The following DMD variants were observed in gnomAD, a reference collection of about 807,000 sequenced individuals.
The protein encoded by DMD is dystrophin, also known as mutant dystrophin.
DMD carries 63 observed loss-of-function variants against 330.1 expected under a neutral mutation model. The observed-to-expected ratio is 0.19, with a 90% CI of 0.16 to 0.24. DMD has a LOEUF of 0.24. Ranked by LOEUF, DMD falls within the 10% of genes least tolerant of loss-of-function variation. The probability of loss-of-function intolerance (pLI) is 1.00; values close to 1 mark genes in which losing one functional copy is unlikely to be tolerated. For missense variants in DMD, 3,344 were observed against 2,684.1 expected (o/e 1.25, Z -5.43); for synonymous variants, 1,223 against 959.8 (o/e 1.27, Z -5.07).
At chrX:32,917,168 C>A (rs745873320) in intron 2 of DMD, among the ~76,000 whole-genome samples, 5 of 100,690 alleles carry the variant, frequency 5.0e-5, no homozygotes, top group South Asian at 5.2e-4. Context: ...TTCCCCCCCC[C>A]CCACATCCCC....
intron 60 of DMD, among the ~76,000 whole-genome samples, chrX:31,349,390 C>T (rs1350712589): frequency 2.7e-5 from 3 of 112,622 alleles, no homozygotes; most frequent in Non-Finnish European, 5.6e-5. Context: ...CACTGTACTC[C>T]AGCCTGGGTG....
intron 62 of DMD, among the ~76,000 whole-genome samples, chrX:31,321,530 G>C (rs1475866882): frequency 1.0e-5 from 1 of 95,293 alleles, no homozygotes; most frequent in Non-Finnish European, 2.0e-5. Flanking sequence ...GTTGCAGTGA[G>C]CCGAGATCGG....
At chrX:32,168,244 G>C (rs2096875185) in intron 44 of DMD, among the ~76,000 whole-genome samples, 1 of 111,387 alleles carries the variant, frequency 9.0e-6, no homozygotes. Context: ...CTGATTCCTA[G>C]GCTCCCAAGC....
intron 37 of DMD, among the ~76,000 whole-genome samples, chrX:32,360,414 C>T (rs1222204543): frequency 9.0e-6 from 1 of 111,712 alleles, no homozygotes; most frequent in Non-Finnish European, 1.9e-5. Context: ...CATTGTTACA[C>T]TCAGTTGCCT....
intron 44 of DMD, chrX:32,035,514 G>A (rs984673495): frequency 6.8e-6 from 2 of 292,138 alleles, no homozygotes; most frequent in South Asian, 3.3e-5. Context: ...TTATCCTACC[G>A]TAACTTACAT....
At position 32,719,969 on chromosome X, in the gene DMD, C is replaced by CATAT. The variant is rs58382484; in HGVS notation, c.650-20680_650-20677dup. ...CCTGACCCATTAGAATTCATTCATT[C>CATAT]ATATATATATATATATATACACACA... On this transcript the variant is annotated intron_variant, in intron 7 of 78. Transcript: ENST00000357033. 1.7e-3 allele frequency among the ~76,000 whole-genome samples: 178 copies of CATAT among 103,356 alleles called. 1 individual carries two copies. The highest frequency in any genetic ancestry group is 2.1e-3 in the East Asian group (7 of 3,256). The allele number at this position is 103,356 out of a possible 115,157, so 89.8% of individuals were successfully genotyped here.
intron 44 of DMD, among the ~76,000 whole-genome samples, chrX:32,203,636 A>G (rs1014170839): frequency 1.8e-5 from 2 of 112,073 alleles, no homozygotes; most frequent in Non-Finnish European, 3.8e-5. Context: ...CTTAGAGACC[A>G]TCAGCCCTTG....
At chrX:31,981,431 A>G (rs2095475369) in intron 44 of DMD, among the ~76,000 whole-genome samples, 1 of 111,783 alleles carries the variant, frequency 8.9e-6, no homozygotes, top group Admixed American at 9.5e-5. Flanking sequence ...CTAATAGAGT[A>G]TGAACATGGG....
chrX:33,079,598 T>A, intron 1 of DMD, among the ~76,000 whole-genome samples: 1 of 111,912 alleles, frequency 8.9e-6, no homozygotes, highest in East Asian at 2.8e-4. Context: ...GTTTCCTGTA[T>A]GATTTTTATG....
intron 55 of DMD, chrX:31,508,160 CT>C: frequency 9.5e-7 from 1 of 1,048,997 alleles, no homozygotes; most frequent in Non-Finnish European, 1.3e-6. Flanking sequence ...TTCAACTTCA[CT>C]TGTATACACA....
intron 21 of DMD, among the ~76,000 whole-genome samples, chrX:32,477,452 T>A (rs1442162299): frequency 9.0e-6 from 1 of 110,663 alleles, no homozygotes; most frequent in Non-Finnish European, 1.9e-5. Context: ...TGCTTGTCTT[T>A]AACTCTTAAA....
At chrX:32,937,451 A>G (rs1455367792) in intron 2 of DMD, among the ~76,000 whole-genome samples, 4 of 107,066 alleles carry the variant, frequency 3.7e-5, no homozygotes, top group Non-Finnish European at 7.7e-5. Context: ...TGGATTTGAA[A>G]GGACAAGAGG....
At chrX:32,852,238 C>G (rs1345929909) in intron 2 of DMD, among the ~76,000 whole-genome samples, 1 of 111,388 alleles carries the variant, frequency 9.0e-6, no homozygotes, top group East Asian at 2.8e-4. Flanking sequence ...GTCCTGAGAC[C>G]CCCCATTCCA....
At chrX:32,992,766 C>T (rs1044450725) in intron 2 of DMD, among the ~76,000 whole-genome samples, 4 of 109,031 alleles carry the variant, frequency 3.7e-5, no homozygotes, top group African/African-American at 1.3e-4. Flanking sequence ...ATTAGCTGGG[C>T]ATGGTGGCAG....
intron 11 of DMD, among the ~76,000 whole-genome samples, chrX:32,642,646 A>C (rs2059544615): frequency 8.9e-6 from 1 of 112,297 alleles, no homozygotes; most frequent in South Asian, 3.7e-4. Flanking sequence ...TCAGATAAGC[A>C]AAGAAAAAGT....
At chrX:31,519,810 A>G (rs937775037) in intron 55 of DMD, among the ~76,000 whole-genome samples, 1 of 112,010 alleles carries the variant, frequency 8.9e-6, no homozygotes, top group African/African-American at 3.2e-5. Context: ...ACCATGATGT[A>G]AACTAAAGTC....
chrX:31,554,034 A>C (rs1235753555), intron 55 of DMD, among the ~76,000 whole-genome samples: 1 of 112,564 alleles, frequency 8.9e-6, no homozygotes, highest in Admixed American at 9.4e-5. Context: ...TGCCTTCGCC[A>C]ACAGCTATGC....
chrX:31,758,239 T>C (rs952873701), intron 51 of DMD, among the ~76,000 whole-genome samples: 1 of 111,493 alleles, frequency 9.0e-6, no homozygotes, highest in Non-Finnish European at 1.9e-5. Flanking sequence ...TCCCCATTGC[T>C]CCTTTATCAA....
intron 63 of DMD, among the ~76,000 whole-genome samples, chrX:31,230,635 T>C (rs2047102517): frequency 9.9e-6 from 1 of 100,879 alleles, no homozygotes; most frequent in South Asian, 4.6e-4. Context: ...GGCGACAGAA[T>C]GAGACTCCAT....
Sources: gnomAD v4.1 joint callset for allele counts (sites outside exome capture counted in the v4.1 genomes callset) on GRCh38, gnomAD v4.1.1 for gene constraint, MANE v1.5 for transcripts, NCBI Gene and HGNC (gene_info 2026-07-23, HGNC 2026-07-21) for gene names.